The following COLQ variants were observed in gnomAD, a reference collection of about 807,000 sequenced individuals.
COLQ encodes the protein acetylcholinesterase collagenic tail peptide.
Under a neutral mutation model 69.0 loss-of-function variants are expected in COLQ, and 48 were observed. The observed-to-expected ratio is 0.70, with a 90% CI of 0.55 to 0.88. COLQ has a LOEUF of 0.88. COLQ is among the 40% of genes least tolerant of loss of function. The probability of loss-of-function intolerance (pLI) is 0.00; values close to 1 mark genes in which losing one functional copy is unlikely to be tolerated. For missense variants in COLQ, 618 were observed against 594.6 expected (o/e 1.04, Z -0.41); for synonymous variants, 217 against 211.2 (o/e 1.03, Z -0.24).
Position 15,451,691 on chromosome 3 carries a change from T to C in COLQ, c.1321A>G (p.Thr441Ala), listed in dbSNP as rs375215281. 37 of 1,613,960 alleles carry C rather than the reference T, an allele frequency of 2.3e-5. No individual in the cohort carries two copies. Among genetic ancestry groups the C allele is most frequent in the Non-Finnish European group, 3.0e-5 (35 of 1,180,014 alleles). ...GTGGAGTCGATGTAGCAGTACTGGG[T>C]GCATTGCAGGTCTCCATATGACCTG... is the stretch of plus-strand genomic sequence containing the variant. ...LPGSYGDLQC[T>A]QYCYIDSTPC... Residue 441 changes from threonine (T) to alanine (A), a missense_variant, in exon 17 of 17, where the codon ACC becomes GCC. Thr to Ala is a moderately conservative substitution (Grantham distance 58, BLOSUM62 0). Transcript: ENST00000383788.
chr3:15,479,141 T>G, intron 4 of COLQ, 138 bp from the exon 5 acceptor site: 1 of 1,203,622 alleles, frequency 8.3e-7, no homozygotes. Flanking sequence ...CTCTGCCATG[T>G]CGATAGGCCA....
rs575163153 is a variant in COLQ at position 15,521,472 on chromosome 3, CCT to C, written c.106+46_106+47del. The C allele has an allele frequency of 1.1e-4, 184 of 1,611,424 alleles. 1 individual carries two copies. In the East Asian group the frequency reaches 3.5e-3, roughly 31 times the overall value. On this transcript the variant is annotated intron_variant, in intron 1 of 16. Transcript: ENST00000383788. ...TTGCAAAACAATCTTCCTTCCTCCC[CCT>C]GTCCCCTGACAGATGGAAGAGAGGA...
At position 15,480,022 on chromosome 3, in the gene COLQ, CATA is replaced by C. The variant is rs2062450931; in HGVS notation, c.322-643_322-641del. Among the ~76,000 whole-genome samples, 6 of 152,312 alleles carry C rather than the reference CATA, an allele frequency of 3.9e-5. No homozygotes were observed. In the South Asian group the frequency reaches 1.0e-3, roughly 26 times the overall value. ...TACAACTCACTGCATCAAAGCTTTG[CATA>C]TCCACAGCCAGAATGTGCCTGCAAA... On this transcript the variant is annotated intron_variant, in intron 3 of 16. Coordinates refer to ENST00000383788, the MANE Select transcript of COLQ (RefSeq NM_005677.4).
At chr3:15,512,116 A>G (rs1166010579) in intron 1 of COLQ, among the ~76,000 whole-genome samples, 4 of 152,108 alleles carry the variant, frequency 2.6e-5, no homozygotes, top group African/African-American at 9.7e-5. Context: ...AGCAGCAGGA[A>G]AGCTCCTGAT....
rs1283276687 is a variant in COLQ at position 15,473,448 on chromosome 3, A to G, written c.636+552T>C. Among the ~76,000 whole-genome samples, 1 of 152,198 alleles carries G rather than the reference A, an allele frequency of 6.6e-6. No homozygotes were observed. The highest frequency in any genetic ancestry group is 2.4e-5 in the African/African-American group (1 of 41,462). On this transcript the variant is annotated intron_variant, in intron 10 of 16. Coordinates refer to ENST00000383788, the MANE Select transcript of COLQ (RefSeq NM_005677.4). This position sits in a 1 kb window ranked among gnomAD's most constrained non-coding sequence, Gnocchi z 4.0. Reference sequence around the variant, plus strand: ...GCTGGGATTACAGGCATGAGGCACCATGCCTGGCCAATATTTAACTATTTA... The same window carrying G: ...GCTGGGATTACAGGCATGAGGCACCGTGCCTGGCCAATATTTAACTATTTA...
intron 1 of COLQ, among the ~76,000 whole-genome samples, chr3:15,496,002 C>T (rs2062740491): frequency 6.6e-6 from 1 of 152,300 alleles, no homozygotes; most frequent in South Asian, 2.1e-4. Flanking sequence ...TGCTAATATG[C>T]ACTCATCACC....
chr3:15,456,401 A>T, intron 14 of COLQ, 59 bp downstream of exon 14: 3 of 1,606,436 alleles, frequency 1.9e-6, no homozygotes, highest in Non-Finnish European at 2.6e-6. Context: ...CCCTTCCTTT[A>T]ATGGATGCAT....
At chr3:15,465,232 T>A (rs1047231301) in intron 12 of COLQ, among the ~76,000 whole-genome samples, 12 of 141,542 alleles carry the variant, frequency 8.5e-5, no homozygotes, top group Admixed American at 2.1e-4. Context: ...GACTTTATAT[T>A]TTGATTTATT....
intron 3 of COLQ, among the ~76,000 whole-genome samples, chr3:15,480,303 G>A (rs1450642711): frequency 2.0e-5 from 3 of 152,006 alleles, no homozygotes; most frequent in Non-Finnish European, 2.9e-5. Flanking sequence ...TTCACATTAG[G>A]TATATCTCCT....
chr3:15,498,860 C>T, intron 1 of COLQ: 1 of 1,393,950 alleles, frequency 7.2e-7, no homozygotes, highest in Non-Finnish European at 9.3e-7. Flanking sequence ...GCCTTCAGCC[C>T]AGGGGAGGAT....
chr3:15,451,666 G>A lies in COLQ; in HGVS notation c.1346C>T (p.Thr449Met), dbSNP rs1015425548. 8.1e-6 allele frequency: 13 copies of A among 1,614,086 alleles called. No homozygotes were observed. The highest frequency in any genetic ancestry group is 3.3e-5 in the South Asian group (3 of 91,094). Reference protein sequence around the residue: ...QCTQYCYIDSTPCRYFT With the variant: ...QCTQYCYIDSMPCRYFT Reference sequence around the variant, plus strand: ...CCCTCAGGTGAAGTAGCGGCAGGGCGTGGAGTCGATGTAGCAGTACTGGGT... The same window carrying A: ...CCCTCAGGTGAAGTAGCGGCAGGGCATGGAGTCGATGTAGCAGTACTGGGT... The change falls in exon 17 of 17, where the codon ACG (threonine) becomes ATG (methionine). Residue 449 changes from threonine (T) to methionine (M), a missense_variant. Physicochemically the swap from Thr to Met is moderately conservative, Grantham distance 81. Coordinates refer to ENST00000383788, the MANE Select transcript of COLQ (RefSeq NM_005677.4).
At chr3:15,465,207 C>A (rs1162333687) in intron 12 of COLQ, among the ~76,000 whole-genome samples, 1 of 149,884 alleles carries the variant, frequency 6.7e-6, no homozygotes, top group East Asian at 1.9e-4. Context: ...TGTATCTATG[C>A]CCTTCTCAAT....
chr3:15,497,651 T>A (rs2062764628), intron 1 of COLQ, among the ~76,000 whole-genome samples: 1 of 152,120 alleles, frequency 6.6e-6, no homozygotes, highest in African/African-American at 2.4e-5. Flanking sequence ...GCTTTTTACT[T>A]CCTCCTCCTC....
chr3:15,484,267 G>A (rs2062538346), intron 3 of COLQ, among the ~76,000 whole-genome samples: 1 of 152,160 alleles, frequency 6.6e-6, no homozygotes, highest in Non-Finnish European at 1.5e-5. Context: ...ATGTTAGCTT[G>A]TTATTTTGCT....
At chr3:15,469,730 A>G (rs73816217) in intron 11 of COLQ, among the ~76,000 whole-genome samples, 4,375 of 152,292 alleles carry the variant, frequency 0.029, 193 homozygotes, top group African/African-American at 0.097. Context: ...TTTGGAAAAT[A>G]AGGCCTAGGC....
chr3:15,488,111 CACA>C, intron 3 of COLQ, 92 bp downstream of exon 3: 1 of 896,812 alleles, frequency 1.1e-6, no homozygotes, highest in South Asian at 1.5e-5. Flanking sequence ...AGCTTTGTAT[CACA>C]TGAGAAAGAG....
chr3:15,485,333 C>G (rs1351010703), intron 3 of COLQ, among the ~76,000 whole-genome samples: 1 of 152,182 alleles, frequency 6.6e-6, no homozygotes, highest in Non-Finnish European at 1.5e-5. Context: ...CCCAGTTAGG[C>G]TACTTGGGGG....
chr3:15,509,616 T>G (rs962340222), intron 1 of COLQ, among the ~76,000 whole-genome samples: 20 of 152,334 alleles, frequency 1.3e-4, no homozygotes, highest in Non-Finnish European at 2.5e-4. Context: ...ACAACAGTAA[T>G]TCCTGAGTAC....
At chr3:15,490,449 C>T (rs957268322) in intron 1 of COLQ, among the ~76,000 whole-genome samples, 6 of 152,214 alleles carry the variant, frequency 3.9e-5, no homozygotes, top group Non-Finnish European at 7.3e-5. Context: ...CACCCCTTCC[C>T]ATCCTGAATT....
Sources: gnomAD v4.1 joint callset for allele counts (sites outside exome capture counted in the v4.1 genomes callset) on GRCh38, gnomAD v4.1.1 for gene constraint, Gnocchi (gnomAD v3.1) non-coding constraint, MANE v1.5 for transcripts, NCBI Gene and HGNC (gene_info 2026-07-23, HGNC 2026-07-21) for gene names.